RBFOX1: variants seen among roughly 807,000 people sequenced by gnomAD.
RBFOX1 encodes RNA binding fox-1 homolog 1, also known as RNA binding protein fox-1 homolog 1.
Under a neutral mutation model 57.7 loss-of-function variants are expected in RBFOX1, and 8 were observed. The observed-to-expected ratio is 0.14, with a 90% confidence interval of 0.08 to 0.25. RBFOX1 has a LOEUF of 0.25. RBFOX1 is among the 10% of genes least tolerant of loss of function. The pLI, the probability that RBFOX1 is intolerant of heterozygous loss-of-function variation, is 1.00. For synonymous variants in RBFOX1, 326 were observed against 222.4 expected (o/e 1.47, Z -4.15); for missense variants, 611 against 548.5 (o/e 1.11, Z -1.14).
intron 4 of RBFOX1, among the ~76,000 whole-genome samples, chr16:7,197,182 C>G (rs531592178): frequency 1.3e-5 from 2 of 152,246 alleles, no homozygotes; most frequent in African/African-American, 2.4e-5. Flanking sequence ...GCTGTTGAAA[C>G]TAAGTACAGA....
rs915418738 is a variant in RBFOX1 at position 6,330,063 on chromosome 16, T to C, written c.-64+13006T>C. Among the ~76,000 whole-genome samples, 3 of 152,130 alleles carry C rather than the reference T, an allele frequency of 2.0e-5. No homozygotes were observed. The South Asian group carries it at 6.2e-4, about 32-fold the overall frequency. On this transcript the variant is annotated intron_variant, in intron 2 of 15. Coordinates refer to ENST00000550418, the MANE Select transcript of RBFOX1 (RefSeq NM_018723.4). ...TCCTTCATCTTTCCCTTCTTCCCCATGCAAAGAAAGATGAAGAACATGAGC... is the reference window on the plus strand; with the variant it reads ...TCCTTCATCTTTCCCTTCTTCCCCACGCAAAGAAAGATGAAGAACATGAGC...
chr16:6,919,489 A>G (rs1178385943), intron 3 of RBFOX1, among the ~76,000 whole-genome samples: 1 of 152,026 alleles, frequency 6.6e-6, no homozygotes, highest in African/African-American at 2.4e-5. Flanking sequence ...TCACACACTA[A>G]TAAAGAGTAG....
At chr16:6,343,434 T>C (rs1017852395) in intron 2 of RBFOX1, among the ~76,000 whole-genome samples, 2 of 152,228 alleles carry the variant, frequency 1.3e-5, no homozygotes, top group Non-Finnish European at 2.9e-5. Context: ...GGGAAGTTCT[T>C]TCTACATTGA....
At chr16:6,090,950 A>G (rs1170090483) in intron 1 of RBFOX1, among the ~76,000 whole-genome samples, 1 of 152,240 alleles carries the variant, frequency 6.6e-6, no homozygotes, top group African/African-American at 2.4e-5. Context: ...GTTCATATGT[A>G]TGGGAAGCAT....
chr16:6,113,227 T>C (rs887394338), intron 1 of RBFOX1, among the ~76,000 whole-genome samples: 2 of 152,168 alleles, frequency 1.3e-5, no homozygotes, highest in Non-Finnish European at 2.9e-5. Context: ...TCTTGGTGAA[T>C]TACAGATGGA....
At chr16:5,931,791 A>G (rs570613411) in intron 4 of RBFOX1, among the ~76,000 whole-genome samples, 2 of 152,276 alleles carry the variant, frequency 1.3e-5, no homozygotes, top group African/African-American at 2.4e-5. Flanking sequence ...GAACTTGAAT[A>G]TGATGCATTT....
chr16:6,239,067 A>G (rs1185516671), intron 1 of RBFOX1, among the ~76,000 whole-genome samples: 1 of 152,104 alleles, frequency 6.6e-6, no homozygotes, highest in Non-Finnish European at 1.5e-5. Context: ...TGATTTTAAC[A>G]TGAAATCAAA....
chr16:6,036,388 T>C (rs747953627), intron 1 of RBFOX1, among the ~76,000 whole-genome samples: 2 of 147,966 alleles, frequency 1.4e-5, no homozygotes, highest in Admixed American at 6.7e-5. Flanking sequence ...TCTAGCATAA[T>C]GTTTTGTGTT....
chr16:7,659,928 C>T (rs916375079), intron 12 of RBFOX1, among the ~76,000 whole-genome samples: 10 of 152,094 alleles, frequency 6.6e-5, no homozygotes, highest in African/African-American at 2.4e-4. Flanking sequence ...AAACAGCACA[C>T]ACACACACCC....
At chr16:6,552,837 T>A (rs138773442) in intron 2 of RBFOX1, among the ~76,000 whole-genome samples, 1 of 151,952 alleles carries the variant, frequency 6.6e-6, no homozygotes, top group Non-Finnish European at 1.5e-5. Context: ...ATTATAAATA[T>A]ATAATATAGA....
intron 3 of RBFOX1, among the ~76,000 whole-genome samples, chr16:7,031,476 G>C (rs2042775057): frequency 6.6e-6 from 1 of 151,910 alleles, no homozygotes; most frequent in Non-Finnish European, 1.5e-5. Flanking sequence ...CATGCCTGTA[G>C]TTCTGGCTAC....
At chr16:6,469,811 C>G (rs1034483824) in intron 2 of RBFOX1, among the ~76,000 whole-genome samples, 1 of 152,160 alleles carries the variant, frequency 6.6e-6, no homozygotes, top group Non-Finnish European at 1.5e-5. Context: ...TCTTATCTCA[C>G]GGGCTCACTA....
intron 2 of RBFOX1, among the ~76,000 whole-genome samples, chr16:6,588,127 A>T (rs1318442175): frequency 6.6e-6 from 1 of 151,868 alleles, no homozygotes; most frequent in Admixed American, 6.6e-5. Context: ...GCTACTCGGG[A>T]GGCTGAGGCA....
intron 4 of RBFOX1, among the ~76,000 whole-genome samples, chr16:7,477,789 C>G (rs903378025): frequency 2.0e-5 from 3 of 152,110 alleles, no homozygotes; most frequent in Non-Finnish European, 4.4e-5. Context: ...AACCACACAG[C>G]TGGGGGGAAG....
intron 5 of RBFOX1, among the ~76,000 whole-genome samples, chr16:7,528,783 C>G (rs1367041436): frequency 1.3e-5 from 2 of 152,144 alleles, no homozygotes; most frequent in Non-Finnish European, 2.9e-5. Flanking sequence ...ATAGTAAGTT[C>G]CTATGAATTC....
intron 7 of RBFOX1, among the ~76,000 whole-genome samples, chr16:7,591,458 C>G (rs1271207733): frequency 1.3e-5 from 2 of 151,958 alleles, no homozygotes; most frequent in Non-Finnish European, 2.9e-5. Flanking sequence ...CCTAAAAATA[C>G]AAAAGATGAA....
intron 4 of RBFOX1, 139 bp from the exon 5 acceptor site, chr16:7,518,008 G>C (rs1184334469): frequency 1.0e-6 from 1 of 989,600 alleles, no homozygotes; most frequent in Non-Finnish European, 1.5e-6. Context: ...CCTGAGATTG[G>C]TCCATCTCAG....
At chr16:6,490,752 G>T (rs1021346178) in intron 2 of RBFOX1, among the ~76,000 whole-genome samples, 1 of 152,198 alleles carries the variant, frequency 6.6e-6, no homozygotes, top group South Asian at 2.1e-4. Context: ...CCTGGAGACA[G>T]TTTAGGAACT....
At chr16:6,590,058 G>C (rs903265467) in intron 2 of RBFOX1, among the ~76,000 whole-genome samples, 1 of 152,180 alleles carries the variant, frequency 6.6e-6, no homozygotes, top group African/African-American at 2.4e-5. Context: ...AAAAAGGAAA[G>C]AGAAAAGATA....
Sources: allele counts gnomAD v4.1 joint callset (sites outside exome capture counted in the v4.1 genomes callset), GRCh38; gene constraint gnomAD v4.1.1; transcripts MANE v1.5; gene names NCBI Gene and HGNC (gene_info 2026-07-23, HGNC 2026-07-21).